The following EGFR variants were observed in gnomAD, a reference collection of about 807,000 sequenced individuals.
EGFR encodes epidermal growth factor receptor.
In EGFR, 58 loss-of-function variants were observed where a neutral mutation model predicts 143.0. The observed-to-expected ratio is 0.41, with a 90% CI of 0.33 to 0.50. EGFR has a LOEUF of 0.50. EGFR is among the 20% of genes least tolerant of loss of function. The probability of loss-of-function intolerance (pLI) is 0.39; values close to 1 mark genes in which losing one functional copy is unlikely to be tolerated. For synonymous variants in EGFR, 613 were observed against 594.4 expected, an observed-to-expected ratio of 1.03 and a Z score of -0.45; for missense variants, 1,307 against 1,579.0, an observed-to-expected ratio of 0.83 and a Z score of 2.92.
At chr7:55,181,503 G>A (rs906724715) in intron 20 of EGFR, 25 bp downstream of exon 20, 2 of 1,614,114 alleles carry the variant, frequency 1.2e-6, no homozygotes, top group Non-Finnish European at 1.7e-6. Context: ...GAGATACGGG[G>A]AGGGGAGATA....
At chr7:55,155,212 G>A in intron 7 of EGFR, among the ~76,000 whole-genome samples, 1 of 152,190 alleles carries the variant, frequency 6.6e-6, no homozygotes, top group Non-Finnish European at 1.5e-5. Context: ...GAGACTGAAG[G>A]GGCTGGATTG....
chr7:55,107,899 G>A (rs1792233985), intron 1 of EGFR, among the ~76,000 whole-genome samples: 2 of 152,158 alleles, frequency 1.3e-5, no homozygotes, highest in Non-Finnish European at 2.9e-5. Context: ...CATGTAAATG[G>A]TACTATACTA....
At chr7:55,118,284 G>T (rs1420322578) in intron 1 of EGFR, among the ~76,000 whole-genome samples, 1 of 152,174 alleles carries the variant, frequency 6.6e-6, no homozygotes, top group African/African-American at 2.4e-5. Context: ...GCATGTTGGA[G>T]ATGCAGATGG....
chr7:55,055,154 C>T (rs540889820), intron 1 of EGFR, among the ~76,000 whole-genome samples: 10 of 152,300 alleles, frequency 6.6e-5, no homozygotes, highest in African/African-American at 2.2e-4. Context: ...AGGGCTTTAA[C>T]TGCCTTCCCA....
Position 55,173,966 on chromosome 7 carries a change from C to T in EGFR, c.2107C>T (p.Leu703Phe), listed in dbSNP as rs1273890779. Reference protein sequence around the residue: ...TPSGEAPNQALLRILKETEFK... With the variant: ...TPSGEAPNQAFLRILKETEFK... ...CAGTGGAGAAGCTCCCAACCAAGCT[C>T]TCTTGAGGATCTTGAAGGAAACTGA... The change falls in exon 18 of 28, where the codon CTC becomes TTC. Residue 703 changes from leucine to phenylalanine, a missense_variant. Leu to Phe is a conservative substitution (Grantham distance 22). Transcript: ENST00000275493. The T allele has an allele frequency of 3.1e-6, 5 of 1,614,252 alleles. No individual in the cohort carries two copies. Among genetic ancestry groups the T allele is most frequent in the Non-Finnish European group, 3.4e-6 (4 of 1,180,056 alleles).
rs1165200715 is a variant in EGFR, at chr7:55,207,136, C to T, written c.*1519C>T. 4.3e-6 allele frequency: 1 copy of T among 232,770 alleles called. No individual in the cohort carries two copies. The highest frequency in any genetic ancestry group is 8.5e-6 in the Non-Finnish European group (1 of 117,792). The allele number at this position is 232,770 out of a possible 1,614,324, so 14.4% of individuals were successfully genotyped here. On this transcript the variant is annotated 3_prime_UTR_variant, in exon 28 of 28. Transcript: ENST00000275493. The stretch of plus-strand genomic sequence containing the variant: ...TTTAAACTCTCCTAGTCAATATCCA[C>T]CCCATCCAATTTATCAAGGAAGAAA...
chr7:55,019,222 CT>C lies in EGFR; in HGVS notation c.-55del. 7.3e-7 allele frequency: 1 copy of C among 1,370,038 alleles called. No homozygotes were observed. The highest frequency in any genetic ancestry group is 9.7e-7 in the Non-Finnish European group (1 of 1,028,822). The allele number at this position is 1,370,038 out of a possible 1,614,324, so 84.9% of individuals were successfully genotyped here. ...CGCCACAACCACCGCGCACGGCCCC[CT>C]GACTCCGTCCAGTATTGATCGGGAG... On this transcript the variant is annotated 5_prime_UTR_variant, in exon 1 of 28. Transcript: ENST00000275493.
At chr7:55,127,483 A>G (rs1159122269) in intron 1 of EGFR, among the ~76,000 whole-genome samples, 2 of 144,840 alleles carry the variant, frequency 1.4e-5, no homozygotes, top group Admixed American at 7.1e-5. Context: ...CCCACACAAC[A>G]TCTGCAATTC....
chr7:55,091,107 C>A (rs1167730889), intron 1 of EGFR, among the ~76,000 whole-genome samples: 1 of 152,178 alleles, frequency 6.6e-6, no homozygotes, highest in Non-Finnish European at 1.5e-5. Context: ...GTGATAGTGA[C>A]AATATTTTCA....
At chr7:55,053,390 G>C (rs1240722491) in intron 1 of EGFR, among the ~76,000 whole-genome samples, 1 of 152,140 alleles carries the variant, frequency 6.6e-6, no homozygotes, top group Non-Finnish European at 1.5e-5. Flanking sequence ...TCCAAAGGAT[G>C]GGGCCTGGTC....
intron 26 of EGFR, among the ~76,000 whole-genome samples, 187 bp downstream of exon 26, chr7:55,201,969 T>C (rs907390091): frequency 3.0e-4 from 11 of 36,112 alleles, no homozygotes; most frequent in Non-Finnish European, 5.0e-4. Context: ...GGACCAGTAG[T>C]AGCATCGCCT....
chr7:55,189,787 G>A (rs570612133), intron 20 of EGFR, among the ~76,000 whole-genome samples: 23 of 152,326 alleles, frequency 1.5e-4, no homozygotes, highest in African/African-American at 5.3e-4. Context: ...AGAAAGAAAG[G>A]AGAAAGCAAG....
intron 4 of EGFR, among the ~76,000 whole-genome samples, chr7:55,151,013 A>G (rs1313562581): frequency 6.6e-6 from 1 of 152,170 alleles, no homozygotes; most frequent in African/African-American, 2.4e-5. Flanking sequence ...TAAACAAGGA[A>G]CCTCAAATTC....
intron 1 of EGFR, among the ~76,000 whole-genome samples, chr7:55,027,908 TA>T (rs998046856): frequency 2.0e-5 from 3 of 149,198 alleles, no homozygotes; most frequent in African/African-American, 7.4e-5. Flanking sequence ...AACAAATAGG[TA>T]GATTTGCAAC....
At chr7:55,142,022 T>A (rs544572932) in intron 1 of EGFR, among the ~76,000 whole-genome samples, 7 of 152,336 alleles carry the variant, frequency 4.6e-5, no homozygotes, top group African/African-American at 1.7e-4. Flanking sequence ...TCTCTTATTA[T>A]GAATTGCACC....
At chr7:55,124,046 G>A (rs1444421738) in intron 1 of EGFR, among the ~76,000 whole-genome samples, 2 of 152,198 alleles carry the variant, frequency 1.3e-5, no homozygotes, top group Non-Finnish European at 2.9e-5. Flanking sequence ...GTGTATTAAT[G>A]TATGCGTGTA....
chr7:55,152,448 A>G, intron 5 of EGFR, 98 bp from the exon 6 acceptor site: 1 of 1,125,718 alleles, frequency 8.9e-7, no homozygotes, highest in South Asian at 1.2e-5. Flanking sequence ...ATGTGTCTTC[A>G]CTTTTTCATG....
At chr7:55,131,942 A>G (rs1439288828) in intron 1 of EGFR, among the ~76,000 whole-genome samples, 7 of 150,736 alleles carry the variant, frequency 4.6e-5, no homozygotes, top group Non-Finnish European at 8.9e-5. Flanking sequence ...GCTTTCAGAA[A>G]AAAAAAAAAA....
In EGFR at chr7:55,174,606, C is replaced by T. The variant is rs1786507560; in HGVS notation, c.2185-116C>T. On this transcript the variant is annotated intron_variant, in intron 18 of 27. Coordinates refer to ENST00000275493, the MANE Select transcript of EGFR (RefSeq NM_005228.5). ...TCAGCCTTAGGTGCGGCTCCACAGC[C>T]CCAGTGTCCCTCACCTTCGGGGTGC... 4.4e-6 allele frequency: 4 copies of T among 905,674 alleles called. No homozygotes were observed. The African/African-American group carries it at 4.9e-5, about 11-fold the overall frequency. The allele number at this position is 905,674 out of a possible 1,614,324, so 56.1% of individuals were successfully genotyped here. A position where few individuals can be genotyped will look rare whatever the true frequency, so the allele number is the denominator to read the frequency against.
Sources: gnomAD v4.1 joint callset for allele counts (sites outside exome capture counted in the v4.1 genomes callset) on GRCh38, gnomAD v4.1.1 for gene constraint, MANE v1.5 for transcripts, NCBI Gene and HGNC (gene_info 2026-07-23, HGNC 2026-07-21) for gene names.